Variants in QPCT observed in about 807,000 individuals in gnomAD.
QPCT encodes the protein EC.
QPCT carries 44 observed loss-of-function variants against 43.4 expected under a neutral mutation model. The ratio of observed to expected loss-of-function variants is 1.01; its 90% CI spans 0.80 to 1.30. The LOEUF is 1.30. Among genes scored for constraint, QPCT ranks in the 50% most tolerant of loss-of-function variants. The probability of loss-of-function intolerance (pLI) is 0.00; values close to 1 mark genes in which losing one functional copy is unlikely to be tolerated. For synonymous variants in QPCT, 168 were observed against 168.4 expected, an observed-to-expected ratio of 1.00 and a Z score of 0.02; for missense variants, 526 against 436.5, an observed-to-expected ratio of 1.21 and a Z score of -1.83.
chr2:37,356,268 T>A (rs1344634125), intron 2 of QPCT, among the ~76,000 whole-genome samples: 2 of 152,012 alleles, frequency 1.3e-5, no homozygotes, highest in Non-Finnish European at 2.9e-5. Context: ...CATCTTTGTA[T>A]TTTTTTTCTT....
At chr2:37,372,503 T>C (rs1308753978) in intron 6 of QPCT, 31 bp downstream of exon 6, 1 of 1,557,688 alleles carries the variant, frequency 6.4e-7, no homozygotes, top group South Asian at 1.1e-5. Context: ...TGTTTGTGTG[T>C]GTGTGCGTGC....
intron 2 of QPCT, among the ~76,000 whole-genome samples, chr2:37,354,355 A>G (rs1672696844): frequency 6.6e-6 from 1 of 152,234 alleles, no homozygotes; most frequent in African/African-American, 2.4e-5. Context: ...AATAATAGCA[A>G]TGATGGCTGA....
chr2:37,345,632 G>A (rs1249410982), intron 1 of QPCT, among the ~76,000 whole-genome samples: 2 of 151,994 alleles, frequency 1.3e-5, no homozygotes, highest in Non-Finnish European at 2.9e-5. Context: ...TCAGGAGATC[G>A]AGACCATCAG....
intron 6 of QPCT, 61 bp from the exon 7 acceptor site, chr2:37,372,621 C>G: frequency 6.4e-7 from 1 of 1,555,628 alleles, no homozygotes; most frequent in Non-Finnish European, 8.8e-7. Flanking sequence ...TGAAGAATGA[C>G]CCTTTCTAGT....
At chr2:37,372,558 C>A in intron 6 of QPCT, 86 bp downstream of exon 6, 1 of 1,464,598 alleles carries the variant, frequency 6.8e-7, no homozygotes. Flanking sequence ...AGAAAGTACA[C>A]AGATGATGAT....
chr2:37,348,140 G>C (rs981805322), intron 1 of QPCT, among the ~76,000 whole-genome samples: 1 of 152,118 alleles, frequency 6.6e-6, no homozygotes, highest in African/African-American at 2.4e-5. Context: ...CTCTCAGGCA[G>C]TGACGTGGAA....
chr2:37,369,644 G>A lies in QPCT; in HGVS notation c.724-41G>A, dbSNP rs746634913. On this transcript the variant is annotated intron_variant, in intron 4 of 6. Coordinates refer to ENST00000338415, the MANE Select transcript of QPCT (RefSeq NM_012413.4). ...TTCCCTGTTGATGAATATAAAACAC[G>A]TTTTGGTGATGGTGATTAAACATTA... 1.3e-5 allele frequency: 19 copies of A among 1,428,712 alleles called. No homozygotes were observed. The East Asian group carries it at 1.4e-4, about 10-fold the overall frequency. The allele number at this position is 1,428,712 out of a possible 1,614,324, so 88.5% of individuals were successfully genotyped here.
chr2:37,364,356 TAACA>T (rs201675530), intron 3 of QPCT, among the ~76,000 whole-genome samples: 1,749 of 152,240 alleles, frequency 0.011, 15 homozygotes, highest in South Asian at 0.028. Flanking sequence ...AGCCCCAAGA[TAACA>T]AACAGATAGG....
intron 1 of QPCT, among the ~76,000 whole-genome samples, chr2:37,349,640 T>G (rs1400233569): frequency 6.6e-6 from 1 of 152,184 alleles, no homozygotes; most frequent in Non-Finnish European, 1.5e-5. Context: ...ACAGTTTTGG[T>G]TGTCATAGTG....
At chr2:37,347,718 A>C (rs1342637987) in intron 1 of QPCT, among the ~76,000 whole-genome samples, 1 of 152,188 alleles carries the variant, frequency 6.6e-6, no homozygotes, top group East Asian at 1.9e-4. Context: ...TTTGGTCACC[A>C]GTCTTATTCC....
At chr2:37,354,548 C>G (rs1366596063) in intron 2 of QPCT, among the ~76,000 whole-genome samples, 2 of 152,160 alleles carry the variant, frequency 1.3e-5, no homozygotes, top group East Asian at 3.9e-4. Context: ...ATTGTTGAGG[C>G]CAGAATCCAC....
chr2:37,345,696 C>T (rs886864908), intron 1 of QPCT, among the ~76,000 whole-genome samples: 1 of 151,984 alleles, frequency 6.6e-6, no homozygotes, highest in African/African-American at 2.4e-5. Flanking sequence ...ATCAGCCGGG[C>T]GTGGTGGCAC....
At chr2:37,356,992 T>G (rs1412662647) in intron 2 of QPCT, among the ~76,000 whole-genome samples, 1 of 142,362 alleles carries the variant, frequency 7.0e-6, no homozygotes, top group Non-Finnish European at 1.5e-5. Context: ...GGCGACAGAG[T>G]GAGACTCCGT....
At chr2:37,354,469 A>G (rs1031259830) in intron 2 of QPCT, among the ~76,000 whole-genome samples, 1 of 152,212 alleles carries the variant, frequency 6.6e-6, no homozygotes, top group Non-Finnish European at 1.5e-5. Context: ...TATTATCTCA[A>G]TATTAGGAAT....
Position 37,372,484 on chromosome 2 carries a change from G to A in QPCT, c.940+12G>A, listed in dbSNP as rs745352263. The A allele has an allele frequency of 6.3e-6, 10 of 1,592,288 alleles. No homozygotes were observed. In the South Asian group the frequency reaches 1.1e-4, roughly 18 times the overall value. ...ATTTTTAAGAAGAGGTAATGTGTGT[G>A]TGTGTGTGTGTTTGTGTGTGTGTGC... On this transcript the variant is annotated intron_variant, in intron 6 of 6. Coordinates refer to ENST00000338415, the MANE Select transcript of QPCT (RefSeq NM_012413.4).
intron 2 of QPCT, among the ~76,000 whole-genome samples, chr2:37,353,896 G>T (rs555036241): frequency 2.2e-3 from 334 of 152,142 alleles, no homozygotes; most frequent in Non-Finnish European, 3.5e-3. Context: ...TCAGAGTCTC[G>T]CTCTGTCACC....
intron 3 of QPCT, among the ~76,000 whole-genome samples, chr2:37,366,488 T>C (rs1431588834): frequency 6.6e-6 from 1 of 152,216 alleles, no homozygotes; most frequent in African/African-American, 2.4e-5. Context: ...ATTATTATTC[T>C]TCGTGTCTGT....
intron 2 of QPCT, among the ~76,000 whole-genome samples, chr2:37,358,461 C>CAAAACAAAACAAAACAAAACA (rs573104238): frequency 9.9e-5 from 15 of 151,360 alleles, no homozygotes; most frequent in African/African-American, 3.2e-4. Context: ...CAAAACAAAA[C>CAAAACAAAACAAAACAAAACA]AAACAAACAA....
intron 5 of QPCT, among the ~76,000 whole-genome samples, chr2:37,371,910 G>T (rs1230926503): frequency 6.6e-6 from 1 of 152,146 alleles, no homozygotes; most frequent in Non-Finnish European, 1.5e-5. Context: ...CTTTCCCATA[G>T]AGTGGCCACT....
Sources: allele counts gnomAD v4.1 joint callset (sites outside exome capture counted in the v4.1 genomes callset), GRCh38; gene constraint gnomAD v4.1.1; transcripts MANE v1.5; gene names NCBI Gene and HGNC (gene_info 2026-07-23, HGNC 2026-07-21).